The following CNTN5 variants were observed in gnomAD, a reference collection of about 807,000 sequenced individuals.
The protein encoded by CNTN5 is contactin 5.
A neutral mutation model predicts 129.1 loss-of-function variants in CNTN5; 77 were observed. The observed-to-expected ratio is 0.60, with a 90% CI of 0.50 to 0.72. The LOEUF is 0.72. CNTN5 is among the 30% of genes least tolerant of loss of function. The pLI, the probability that CNTN5 is intolerant of heterozygous loss-of-function variation, is 0.00. For missense variants in CNTN5, 1,478 were observed against 1,328.8 expected (o/e 1.11, Z -1.75); for synonymous variants, 509 against 465.6 (o/e 1.09, Z -1.20).
At chr11:99,912,269 A>C (rs564791422) in intron 6 of CNTN5, among the ~76,000 whole-genome samples, 69 of 152,122 alleles carry the variant, frequency 4.5e-4, no homozygotes, top group Non-Finnish European at 8.8e-4. Flanking sequence ...CCATTTAGAG[A>C]AATAGTGTGA....
intron 1 of CNTN5, among the ~76,000 whole-genome samples, chr11:99,260,829 C>G (rs1862591921): frequency 6.6e-6 from 1 of 151,878 alleles, no homozygotes; most frequent in South Asian, 2.1e-4. Context: ...ATGTTAGTAT[C>G]AGTGGGACTT....
At chr11:99,654,074 T>A (rs1420778469) in intron 3 of CNTN5, among the ~76,000 whole-genome samples, 2 of 152,078 alleles carry the variant, frequency 1.3e-5, no homozygotes, top group Non-Finnish European at 2.9e-5. Flanking sequence ...ATAAATATTT[T>A]ATTAGAATGC....
intron 3 of CNTN5, among the ~76,000 whole-genome samples, chr11:99,818,823 T>C (rs1946677237): frequency 6.6e-6 from 1 of 152,158 alleles, no homozygotes; most frequent in Non-Finnish European, 1.5e-5. Flanking sequence ...CAATAATCAA[T>C]AAAAATGAAA....
chr11:99,040,702 TATTAGTAGTGTTTCAAC>T (rs1863951506), intron 1 of CNTN5, among the ~76,000 whole-genome samples: 1 of 152,162 alleles, frequency 6.6e-6, no homozygotes, highest in South Asian at 2.1e-4. Context: ...CATTTTTAAA[TATTAGTAGTGTTTCAAC>T]CTTACTCTGA....
intron 1 of CNTN5, among the ~76,000 whole-genome samples, chr11:99,077,568 CA>C (rs1377384730): frequency 2.6e-5 from 4 of 152,114 alleles, no homozygotes; most frequent in African/African-American, 9.7e-5. Context: ...TACAAAATCA[CA>C]GGTGAACTGT....
chr11:99,328,724 G>T, intron 2 of CNTN5, among the ~76,000 whole-genome samples: 1 of 151,676 alleles, frequency 6.6e-6, no homozygotes, highest in East Asian at 1.9e-4. Flanking sequence ...TACAAAATTA[G>T]CCAAGCATGA....
chr11:99,733,401 ATG>A (rs201342029), intron 3 of CNTN5, among the ~76,000 whole-genome samples: 7,047 of 134,094 alleles, frequency 0.053, 685 homozygotes, highest in African/African-American at 0.19. Flanking sequence ...ATTGCTCATG[ATG>A]TTTTCTCCAC....
In CNTN5 at chr11:100,269,934, T is replaced by C. The variant is rs192579536; in HGVS notation, c.2165-1158T>C. Among the ~76,000 whole-genome samples, 5 of 152,320 alleles carry C rather than the reference T, an allele frequency of 3.3e-5. No homozygotes were observed. The East Asian group carries it at 7.7e-4, about 24-fold the overall frequency. On this transcript the variant is annotated intron_variant, in intron 17 of 24. Coordinates refer to ENST00000524871, the MANE Select transcript of CNTN5 (RefSeq NM_014361.4). Reference sequence around the variant, plus strand: ...TGGGAATGCCTTCTTCTCTTTTGTATGTTTGTCAAGCATAGCTCGGCATTT... The same window carrying C: ...TGGGAATGCCTTCTTCTCTTTTGTACGTTTGTCAAGCATAGCTCGGCATTT...
At position 99,526,341 on chromosome 11, in the gene CNTN5, A is replaced by G. The variant is rs565707916; in HGVS notation, c.-70-29804A>G. 2.6e-5 allele frequency among the ~76,000 whole-genome samples: 4 copies of G among 152,300 alleles called. No homozygotes were observed. The South Asian group carries it at 8.3e-4, about 32-fold the overall frequency. ...CAGCCACTGTGTGGTCTCCTTTGAT[A>G]CTTAGAACAGCCCAGAATAACCCAT... On this transcript the variant is annotated intron_variant, in intron 2 of 24. Coordinates refer to ENST00000524871, the MANE Select transcript of CNTN5 (RefSeq NM_014361.4).
At chr11:99,544,341 C>G (rs1368545955) in intron 2 of CNTN5, among the ~76,000 whole-genome samples, 1 of 152,150 alleles carries the variant, frequency 6.6e-6, no homozygotes, top group African/African-American at 2.4e-5. Context: ...GTTACAACAT[C>G]AAACTGTATT....
chr11:100,269,193 T>C (rs1233359892), intron 17 of CNTN5, among the ~76,000 whole-genome samples: 1 of 152,174 alleles, frequency 6.6e-6, no homozygotes, highest in Non-Finnish European at 1.5e-5. Flanking sequence ...AGGATGATGA[T>C]AGTTCAAGTG....
intron 1 of CNTN5, among the ~76,000 whole-genome samples, chr11:99,281,544 A>C (rs1354100297): frequency 6.6e-6 from 1 of 151,942 alleles, no homozygotes; most frequent in African/African-American, 2.4e-5. Context: ...GAATAAGTGC[A>C]TCCTTAAATA....
chr11:99,877,556 A>G (rs373223065), intron 6 of CNTN5, among the ~76,000 whole-genome samples: 3 of 152,176 alleles, frequency 2.0e-5, no homozygotes, highest in South Asian at 2.1e-4. Context: ...TGCATTTCCA[A>G]TCAACCATTC....
chr11:100,090,323 C>T (rs777977062), intron 13 of CNTN5, among the ~76,000 whole-genome samples: 12 of 152,088 alleles, frequency 7.9e-5, no homozygotes, highest in South Asian at 6.2e-4. Flanking sequence ...CACTCCTCTT[C>T]AACCAGTTAG....
intron 2 of CNTN5, among the ~76,000 whole-genome samples, chr11:99,495,222 G>C (rs1339610233): frequency 6.6e-6 from 1 of 152,002 alleles, no homozygotes; most frequent in East Asian, 1.9e-4. Flanking sequence ...CAAAAAATTA[G>C]CCAGGTATGG....
intron 3 of CNTN5, among the ~76,000 whole-genome samples, chr11:99,731,470 C>T (rs922682706): frequency 1.3e-5 from 2 of 152,180 alleles, no homozygotes; most frequent in African/African-American, 4.8e-5. Context: ...AAGATGATTG[C>T]AGTCTTGGCA....
chr11:100,301,509 A>G (rs1184333558), intron 20 of CNTN5, among the ~76,000 whole-genome samples: 2 of 151,608 alleles, frequency 1.3e-5, no homozygotes, highest in Non-Finnish European at 3.0e-5. Context: ...ATTTATTTTA[A>G]TCAACTGAAA....
chr11:100,189,616 A>C (rs1014527975), intron 13 of CNTN5, among the ~76,000 whole-genome samples: 1 of 152,184 alleles, frequency 6.6e-6, no homozygotes, highest in Non-Finnish European at 1.5e-5. Context: ...TACAAAGAGT[A>C]TAATTTTTGC....
intron 1 of CNTN5, among the ~76,000 whole-genome samples, chr11:99,253,650 T>G (rs73534973): frequency 6.6e-6 from 1 of 151,698 alleles, no homozygotes; most frequent in Non-Finnish European, 1.5e-5. Flanking sequence ...AATATGATCA[T>G]TCTATTTCTT....
Sources: allele counts gnomAD v4.1 joint callset (sites outside exome capture counted in the v4.1 genomes callset), GRCh38; gene constraint gnomAD v4.1.1; transcripts MANE v1.5; gene names NCBI Gene and HGNC (gene_info 2026-07-23, HGNC 2026-07-21).